GALNT17: variants seen among roughly 807,000 people sequenced by gnomAD.
GALNT17 encodes polypeptide N-acetylgalactosaminyltransferase 17, also known as UDP-GalNAc:polypeptide N-acetylgalactosaminyltransferase-like 3.
GALNT17 carries 29 observed loss-of-function variants against 63.7 expected under a neutral mutation model. The observed-to-expected ratio is 0.46, with a 90% CI of 0.34 to 0.62. The LOEUF is 0.62. Ranked by LOEUF, GALNT17 falls within the 20% of genes least tolerant of loss-of-function variation. The pLI is 0.01. For missense variants in GALNT17, 603 were observed against 799.6 expected, an observed-to-expected ratio of 0.75 and a Z score of 2.97; for synonymous variants, 305 against 318.3, an observed-to-expected ratio of 0.96 and a Z score of 0.45.
chr7:71,267,010 G>A (rs1269823038), intron 1 of GALNT17, among the ~76,000 whole-genome samples: 1 of 152,198 alleles, frequency 6.6e-6, no homozygotes, highest in African/African-American at 2.4e-5. Context: ...GTCTCCAGTT[G>A]CCTGGCATAC....
In GALNT17 at chr7:71,665,606, A is replaced by C. The variant is rs777601773; in HGVS notation, c.1266+10A>C. On this transcript the variant is annotated intron_variant, in intron 7 of 10. Coordinates refer to ENST00000333538, the MANE Select transcript of GALNT17 (RefSeq NM_022479.3). ...GAACCTGCCGCTGGAGGTAGGGATC[A>C]CCAGCCTTTCCCCACCACCCCAGTA... The C allele has an allele frequency of 6.2e-7, 1 of 1,611,126 alleles. No individual in the cohort carries two copies. Among genetic ancestry groups the C allele is most frequent in the Non-Finnish European group, 8.5e-7 (1 of 1,179,050 alleles).
chr7:71,623,180 C>G (rs1450339450), intron 6 of GALNT17, among the ~76,000 whole-genome samples: 1 of 152,118 alleles, frequency 6.6e-6, no homozygotes, highest in Non-Finnish European at 1.5e-5. Flanking sequence ...AATGCAAACC[C>G]TGTCTCTGTG....
At chr7:71,607,548 A>T (rs1790064678) in intron 6 of GALNT17, among the ~76,000 whole-genome samples, 1 of 152,152 alleles carries the variant, frequency 6.6e-6, no homozygotes, top group South Asian at 2.1e-4. Flanking sequence ...GTGGAATAAA[A>T]CTGTTAGAAA....
At chr7:71,349,734 T>C (rs1485497375) in intron 2 of GALNT17, among the ~76,000 whole-genome samples, 3 of 152,198 alleles carry the variant, frequency 2.0e-5, no homozygotes, top group Non-Finnish European at 4.4e-5. Flanking sequence ...GATGAAGCAA[T>C]GTGATTATGT....
At chr7:71,623,072 C>T (rs1790320057) in intron 6 of GALNT17, among the ~76,000 whole-genome samples, 1 of 152,160 alleles carries the variant, frequency 6.6e-6, no homozygotes, top group Non-Finnish European at 1.5e-5. Context: ...TGGGTCTGAA[C>T]CTTATCCCCG....
At chr7:71,699,171 CAAAAAAAAA>C (rs59124269) in intron 9 of GALNT17, among the ~76,000 whole-genome samples, 35 of 77,316 alleles carry the variant, frequency 4.5e-4, no homozygotes, top group African/African-American at 8.4e-4. Flanking sequence ...GACTCCATCT[CAAAAAAAAA>C]AAAAAAAAAA....
At chr7:71,239,220 G>A (rs1789949073) in intron 1 of GALNT17, among the ~76,000 whole-genome samples, 1 of 152,164 alleles carries the variant, frequency 6.6e-6, no homozygotes, top group Non-Finnish European at 1.5e-5. Flanking sequence ...AATGCTTTGG[G>A]AGGCTGAGGT....
chr7:71,240,154 G>T (rs1789966458), intron 1 of GALNT17, among the ~76,000 whole-genome samples: 1 of 152,196 alleles, frequency 6.6e-6, no homozygotes, highest in Non-Finnish European at 1.5e-5. Context: ...CTACTTCACA[G>T]CCTGGGGAGA....
At chr7:71,340,552 G>C (rs1271639264) in intron 2 of GALNT17, among the ~76,000 whole-genome samples, 1 of 152,132 alleles carries the variant, frequency 6.6e-6, no homozygotes, top group African/African-American at 2.4e-5. Flanking sequence ...AAGCAGTCCT[G>C]CTCTAAAATA....
intron 1 of GALNT17, among the ~76,000 whole-genome samples, chr7:71,297,498 G>A (rs1299929829): frequency 6.6e-6 from 1 of 152,174 alleles, no homozygotes; most frequent in East Asian, 1.9e-4. Context: ...GAGTGGTGGT[G>A]CATGCCTGTA....
intron 6 of GALNT17, among the ~76,000 whole-genome samples, chr7:71,652,176 AC>A (rs923921074): frequency 4.6e-5 from 7 of 151,848 alleles, no homozygotes; most frequent in Non-Finnish European, 7.4e-5. Flanking sequence ...TCATCACAAA[AC>A]ACTTCATCTT....
intron 1 of GALNT17, among the ~76,000 whole-genome samples, chr7:71,243,704 C>T (rs1227303875): frequency 6.6e-6 from 1 of 152,050 alleles, no homozygotes; most frequent in Non-Finnish European, 1.5e-5. Flanking sequence ...TGCATCCAGC[C>T]CTTTAACTTC....
chr7:71,339,889 A>T (rs893231294), intron 2 of GALNT17, among the ~76,000 whole-genome samples: 10 of 152,166 alleles, frequency 6.6e-5, no homozygotes, highest in Non-Finnish European at 1.3e-4. Context: ...TATTAAAATG[A>T]TAGCAAAGGA....
intron 3 of GALNT17, among the ~76,000 whole-genome samples, chr7:71,404,119 AC>A (rs1793287064): frequency 6.6e-6 from 1 of 152,180 alleles, no homozygotes; most frequent in Non-Finnish European, 1.5e-5. Context: ...GCTTATGCGT[AC>A]TATGATGTTT....
intron 1 of GALNT17, among the ~76,000 whole-genome samples, chr7:71,144,605 C>T (rs949973972): frequency 6.6e-6 from 1 of 152,060 alleles, no homozygotes; most frequent in African/African-American, 2.4e-5. Context: ...GCCCACTGCT[C>T]AGTAACTGAC....
rs71089954 is a variant in GALNT17, at chr7:71,540,093, C to CTTTTTTT, written c.963-31163_963-31157dup. Reference sequence around the variant, plus strand: ...ACAGTTGTGAGCCACTGTGCCTGGCCTTTTTTTTTTTTTTTTTTTTTTTTT... The same window carrying CTTTTTTT: ...ACAGTTGTGAGCCACTGTGCCTGGCCTTTTTTTTTTTTTTTTTTTTTTTTTTTTTTTT... On this transcript the variant is annotated intron_variant, in intron 5 of 10. Transcript: ENST00000333538. Among the ~76,000 whole-genome samples the CTTTTTTT allele has an allele frequency of 1.9e-3, 64 of 33,548 alleles. 15 individuals are homozygous for CTTTTTTT. The highest frequency in any genetic ancestry group is 2.5e-3 in the Non-Finnish European group (45 of 18,024). The allele number at this position is 33,548 out of a possible 152,430, so 22.0% of individuals were successfully genotyped here.
intron 1 of GALNT17, among the ~76,000 whole-genome samples, chr7:71,251,611 T>A (rs1180614931): frequency 6.6e-6 from 1 of 152,106 alleles, no homozygotes. Flanking sequence ...GGGGTCTCAC[T>A]GTGTTGCCCA....
At position 71,292,666 on chromosome 7, in the gene GALNT17, A is replaced by T. The variant is rs200387381; in HGVS notation, c.239-42884A>T. Reference sequence around the variant, plus strand: ...GAGAGAGAGAGACAGAGAGAGAGAGAGAGTGTGTGTGTGTGTGTGTGTGTG... The same window carrying T: ...GAGAGAGAGAGACAGAGAGAGAGAGTGAGTGTGTGTGTGTGTGTGTGTGTG... On this transcript the variant is annotated intron_variant, in intron 1 of 10. Transcript: ENST00000333538. Among the ~76,000 whole-genome samples, 1,028 of 117,046 alleles carry T rather than the reference A, an allele frequency of 8.8e-3. 14 individuals are homozygous for T. The highest frequency in any genetic ancestry group is 0.035 in the East Asian group (126 of 3,554). 76.8% of individuals were successfully genotyped at this position (117,046 alleles called of 152,430 possible).
chr7:71,477,747 AT>A (rs1787748730), intron 5 of GALNT17, among the ~76,000 whole-genome samples: 1 of 152,170 alleles, frequency 6.6e-6, no homozygotes, highest in African/African-American at 2.4e-5. Flanking sequence ...GTGTTGAGGA[AT>A]AAAAAATTAA....
Sources: gnomAD v4.1 joint callset for allele counts (sites outside exome capture counted in the v4.1 genomes callset) on GRCh38, gnomAD v4.1.1 for gene constraint, MANE v1.5 for transcripts, NCBI Gene and HGNC (gene_info 2026-07-23, HGNC 2026-07-21) for gene names.